RELN: variants seen among roughly 807,000 people sequenced by gnomAD.
The protein encoded by RELN is reelin.
A neutral mutation model predicts 427.6 loss-of-function variants in RELN; 108 were observed. The observed-to-expected ratio is 0.25, with a 90% CI of 0.22 to 0.30. The LOEUF (loss-of-function observed/expected upper bound fraction) is 0.30, where lower values mean the gene tolerates loss of function less well. RELN is among the 10% of genes least tolerant of loss of function. The probability of loss-of-function intolerance (pLI) is 1.00; values close to 1 mark genes in which losing one functional copy is unlikely to be tolerated. For missense variants in RELN, 3,715 were observed against 4,302.8 expected (o/e 0.86, Z 3.82); for synonymous variants, 1,524 against 1,513.4 (o/e 1.01, Z -0.16).
chr7:103,629,718 G>A (rs1832409665), intron 20 of RELN, among the ~76,000 whole-genome samples: 2 of 151,974 alleles, frequency 1.3e-5, no homozygotes, highest in South Asian at 2.1e-4. Flanking sequence ...AAATCTATCA[G>A]TATTTTGTTT....
chr7:103,686,004 T>C (rs1833757776), intron 10 of RELN, among the ~76,000 whole-genome samples: 2 of 152,174 alleles, frequency 1.3e-5, no homozygotes, highest in Non-Finnish European at 2.9e-5. Flanking sequence ...GCCTCTACCA[T>C]TGTTTTATTA....
chr7:103,863,625 C>T (rs1794124520), intron 2 of RELN, among the ~76,000 whole-genome samples: 1 of 152,070 alleles, frequency 6.6e-6, no homozygotes, highest in South Asian at 2.1e-4. Flanking sequence ...TTATAAAAAG[C>T]TTTGGAATGG....
intron 52 of RELN, among the ~76,000 whole-genome samples, chr7:103,501,728 AAG>A (rs1257195965): frequency 6.6e-6 from 1 of 152,226 alleles, no homozygotes; most frequent in Non-Finnish European, 1.5e-5. Flanking sequence ...TTATTACAAA[AAG>A]AGAATGGGAG....
intron 1 of RELN, among the ~76,000 whole-genome samples, chr7:103,952,187 G>T (rs1486427372): frequency 6.6e-6 from 1 of 152,048 alleles, no homozygotes; most frequent in Admixed American, 6.6e-5. Flanking sequence ...ATTTTGTTTT[G>T]ATTTTCTTAA....
At chr7:103,490,896 T>C in intron 58 of RELN, 67 bp from the exon 59 acceptor site, 1 of 1,512,766 alleles carries the variant, frequency 6.6e-7, no homozygotes, top group East Asian at 2.3e-5. Context: ...AATGTCAAGG[T>C]AATGCTTTGT....
At chr7:103,490,511 G>A (rs897072448) in intron 59 of RELN, among the ~76,000 whole-genome samples, 157 bp downstream of exon 59, 1 of 152,216 alleles carries the variant, frequency 6.6e-6, no homozygotes, top group African/African-American at 2.4e-5. Flanking sequence ...GGGGGCATGG[G>A]TTGGTGAGAG....
intron 1 of RELN, among the ~76,000 whole-genome samples, chr7:103,938,157 C>T (rs988217797): frequency 6.6e-6 from 1 of 152,030 alleles, no homozygotes; most frequent in Admixed American, 6.6e-5. Context: ...CCTGTCTCTA[C>T]TAAAAATACA....
At chr7:103,815,981 G>C (rs753971150) in intron 3 of RELN, among the ~76,000 whole-genome samples, 1 of 152,040 alleles carries the variant, frequency 6.6e-6, no homozygotes, top group Admixed American at 6.6e-5. Context: ...ACTGTTATAC[G>C]TCAAGTCCTC....
chr7:103,641,820 C>A (rs555697794), intron 16 of RELN, among the ~76,000 whole-genome samples: 68 of 152,224 alleles, frequency 4.5e-4, no homozygotes, highest in Non-Finnish European at 7.8e-4. Flanking sequence ...TGGCTCCATT[C>A]TTCTTCAGCC....
chr7:103,676,645 G>A (rs1833531587), intron 11 of RELN, among the ~76,000 whole-genome samples: 1 of 152,182 alleles, frequency 6.6e-6, no homozygotes, highest in Admixed American at 6.5e-5. Context: ...CAACCCAAAT[G>A]TCCACAATGA....
chr7:103,683,702 A>G (rs1220445832), intron 10 of RELN, among the ~76,000 whole-genome samples: 1 of 152,202 alleles, frequency 6.6e-6, no homozygotes, highest in Non-Finnish European at 1.5e-5. Flanking sequence ...AATCATAATA[A>G]GCGACTTTTG....
intron 1 of RELN, among the ~76,000 whole-genome samples, chr7:103,918,816 A>G (rs1202457949): frequency 6.6e-6 from 1 of 152,186 alleles, no homozygotes; most frequent in Admixed American, 6.5e-5. Context: ...CTATTTAAAT[A>G]TGTAAAATGC....
chr7:103,972,673 C>G (rs6971140), intron 1 of RELN, among the ~76,000 whole-genome samples: 106,824 of 152,030 alleles, frequency 0.7, 38,150 homozygotes, highest in African/African-American at 0.83. Flanking sequence ...TAGGAAAATA[C>G]AATGCCATGA....
At position 103,566,670 on chromosome 7, in the gene RELN, T is replaced by G. The variant is rs780724928; in HGVS notation, c.4678A>C (p.Ile1560Leu). 4 of 1,613,982 alleles carry G rather than the reference T, an allele frequency of 2.5e-6. No homozygotes were observed. Among genetic ancestry groups the G allele is most frequent in the Non-Finnish European group, 3.4e-6 (4 of 1,180,006 alleles). The change falls in exon 32 of 65, where the codon ATT (isoleucine) becomes CTT (leucine). Residue 1560 changes from isoleucine to leucine, a missense_variant. Ile to Leu is a conservative substitution (Grantham distance 5, BLOSUM62 2). Around this residue, in one of 4 missense-constraint regions of RELN, gnomAD observed 2,208 missense variants for 2,361.7 expected, o/e 0.93. Transcript: ENST00000428762. ...DFMSFLEPQIISIDLPQDAKT... is the reference protein window; with the variant it reads ...DFMSFLEPQILSIDLPQDAKT... ...GCGTCCTGTGGCAGGTCAATGGAAATGATCTGTGGTTCCAGGAAGGACATG... is the reference window on the plus strand; with the variant it reads ...GCGTCCTGTGGCAGGTCAATGGAAAGGATCTGTGGTTCCAGGAAGGACATG...
intron 6 of RELN, among the ~76,000 whole-genome samples, chr7:103,728,617 T>C (rs1169762115): frequency 1.3e-5 from 2 of 152,304 alleles, no homozygotes; most frequent in Middle Eastern, 3.4e-3. Context: ...AATATATACA[T>C]GCCCAATACA....
chr7:103,665,110 T>C (rs1029125073), intron 11 of RELN, among the ~76,000 whole-genome samples: 1 of 152,132 alleles, frequency 6.6e-6, no homozygotes, highest in East Asian at 1.9e-4. Flanking sequence ...TGAAATTGAT[T>C]TGAGGTAAGG....
intron 20 of RELN, among the ~76,000 whole-genome samples, chr7:103,613,173 G>A (rs1268132836): frequency 2.0e-5 from 3 of 152,150 alleles, no homozygotes; most frequent in Non-Finnish European, 4.4e-5. Flanking sequence ...AGAAAATGGG[G>A]CTAGTAAATG....
intron 3 of RELN, among the ~76,000 whole-genome samples, chr7:103,797,522 C>T (rs767559446): frequency 1.3e-4 from 20 of 152,132 alleles, no homozygotes; most frequent in African/African-American, 2.2e-4. Flanking sequence ...CTTACATAAC[C>T]GTGGTTCATT....
rs753782715 is a variant in RELN, at chr7:103,551,290, C to T, written c.6079G>A (p.Val2027Ile). ...GATGAGCTATCAGTCGAACAGCCAA[C>T]GTTGATCTTGGGGATGAAGAAAAAA... ...ENTIIQFEIN[V>I]GCSTDSSSAD... The change falls in exon 41 of 65, where the codon GTT becomes ATT. Residue 2027 changes from valine to isoleucine, a missense_variant. Coordinates refer to ENST00000428762, the MANE Select transcript of RELN (RefSeq NM_005045.4). 1.6e-5 allele frequency: 25 copies of T among 1,612,628 alleles called. No individual in the cohort carries two copies. The highest frequency in any genetic ancestry group is 7.7e-5 in the South Asian group (7 of 90,986).
Sources: gnomAD v4.1 joint callset for allele counts (sites outside exome capture counted in the v4.1 genomes callset) on GRCh38, gnomAD v4.1.1 for gene constraint, gnomAD v4.1.1 regional missense constraint, MANE v1.5 for transcripts, NCBI Gene and HGNC (gene_info 2026-07-23, HGNC 2026-07-21) for gene names.